The following KANSL3 variants were observed in gnomAD, a reference collection of about 807,000 sequenced individuals.
KANSL3 encodes the protein NSL complex protein NSL3.
Under a neutral mutation model 89.2 loss-of-function variants are expected in KANSL3, and 16 were observed. The observed-to-expected ratio is 0.18, with a 90% CI of 0.12 to 0.27. The LOEUF (loss-of-function observed/expected upper bound fraction) is 0.27, where lower values mean the gene tolerates loss of function less well. KANSL3 is among the 10% of genes least tolerant of loss of function. KANSL3 has a pLI of 1.00. For synonymous variants in KANSL3, 385 were observed against 419.7 expected (o/e 0.92, Z 1.01); for missense variants, 879 against 1,110.6 (o/e 0.79, Z 2.96).
At position 96,595,604 on chromosome 2, in the gene KANSL3, A is replaced by G. The variant is rs1027005292; in HGVS notation, c.*7T>C. The G allele has an allele frequency of 6.2e-7, 1 of 1,613,762 alleles. No homozygotes were observed. On this transcript the variant is annotated 3_prime_UTR_variant, in exon 21 of 21. Coordinates refer to ENST00000431828, the MANE Select transcript of KANSL3 (RefSeq NM_001115016.3). The stretch of plus-strand genomic sequence containing the variant: ...ACTTGGTAAGGAGGACATATCACAC[A>G]GCATCTTCAGGGTGCTGGAGGCAGG...
chr2:96,615,165 C>CAAAAAAAAAAAAAAAAAAAAAAAAAAA (rs35960339), intron 5 of KANSL3: 5 of 83,044 alleles, frequency 6.0e-5, no homozygotes, highest in African/African-American at 2.5e-4. Context: ...GAGACTGTCT[C>CAAAAAAAAAAAAAAAAAAAAAAAAAAA]AAAAAAAAAA....
At chr2:96,628,770 CAA>C (rs11287226) in intron 3 of KANSL3, 252 of 146,596 alleles carry the variant, frequency 1.7e-3, no homozygotes, top group African/African-American at 3.3e-3. Context: ...GATAAACTGA[CAA>C]AAAAAAAAAA....
chr2:96,609,483 C>G lies in KANSL3; in HGVS notation c.1383+16G>C. ...GGCAAGCCTAGCTGAGAAAAGCACA[C>G]AAAACAACTGTTTACCTGAATACAT... On this transcript the variant is annotated intron_variant, in intron 12 of 20. Coordinates refer to ENST00000431828, the MANE Select transcript of KANSL3 (RefSeq NM_001115016.3). 6.2e-7 allele frequency: 1 copy of G among 1,612,692 alleles called. No individual in the cohort carries two copies. Among genetic ancestry groups the G allele is most frequent in the Middle Eastern group, 1.7e-4 (1 of 6,058 alleles).
downstream of KANSL3, among the ~76,000 whole-genome samples, chr2:96,589,128 T>G (rs564775253): frequency 1.3e-5 from 2 of 152,222 alleles, no homozygotes; most frequent in East Asian, 1.9e-4. Flanking sequence ...CTAAAAAAAG[T>G]GTTCAAGTAA....
At chr2:96,590,528 A>G (rs535643400), downstream of KANSL3, among the ~76,000 whole-genome samples, 3 of 152,108 alleles carry the variant, frequency 2.0e-5, no homozygotes, top group African/African-American at 7.2e-5. Context: ...AGCTCAAGCA[A>G]TCCTACCATC....
At chr2:96,588,115 T>C in the KANSL3 span, among the ~76,000 whole-genome samples, 2 of 151,260 alleles carry the variant, frequency 1.3e-5, no homozygotes, top group East Asian at 3.9e-4. Flanking sequence ...TCCCCAAATA[T>C]GGTAAAAAGG....
In KANSL3 at chr2:96,595,464, T is replaced by C. The variant is rs1347327436; in HGVS notation, c.*147A>G. On this transcript the variant is annotated 3_prime_UTR_variant, in exon 21 of 21. Transcript: ENST00000431828. ...GTATCACCTAACCTAATGGTTTCTC[T>C]GAAGACAGTTGGCGGAGAGGCAAAA... The C allele has an allele frequency of 2.9e-6, 2 of 699,166 alleles. No homozygotes were observed. The highest frequency in any genetic ancestry group is 1.8e-5 in the African/African-American group (1 of 55,856). 43.3% of individuals were successfully genotyped at this position (699,166 alleles called of 1,614,324 possible). A position where few individuals can be genotyped will look rare whatever the true frequency, so the allele number is the denominator to read the frequency against.
chr2:96,602,940 TCAC>T, intron 17 of KANSL3, 78 bp from the exon 18 acceptor site: 1 of 1,349,414 alleles, frequency 7.4e-7, no homozygotes, highest in Non-Finnish European at 1.0e-6. Flanking sequence ...CCATCCACCC[TCAC>T]CACCAACTAA....
At chr2:96,611,278 C>G in intron 9 of KANSL3, 140 bp from the exon 10 acceptor site, 1 of 685,676 alleles carries the variant, frequency 1.5e-6, no homozygotes, top group Non-Finnish European at 2.6e-6. Flanking sequence ...GCATCTTCTG[C>G]CACAATGGCA....
chr2:96,615,672 A>G (rs932151467), intron 5 of KANSL3: 17 of 380,700 alleles, frequency 4.5e-5, no homozygotes, highest in African/African-American at 3.2e-4. Context: ...ATAGCAGAAG[A>G]TAAGTTGCTC....
At chr2:96,610,036 A>AGGAGACAT (rs2068650440) in intron 11 of KANSL3, among the ~76,000 whole-genome samples, 1 of 142,332 alleles carries the variant, frequency 7.0e-6, no homozygotes, top group Non-Finnish European at 1.5e-5. Context: ...AAGGAGACTG[A>AGGAGACAT]GGAGACATGG....
chr2:96,604,015 A>G, intron 17 of KANSL3: 1 of 423,838 alleles, frequency 2.4e-6, no homozygotes, highest in Non-Finnish European at 4.2e-6. Flanking sequence ...CAGCACCTGT[A>G]GACTGGAACA....
chr2:96,592,476 A>C (rs1410408399), downstream of KANSL3, among the ~76,000 whole-genome samples: 1 of 152,190 alleles, frequency 6.6e-6, no homozygotes, highest in Non-Finnish European at 1.5e-5. Flanking sequence ...GAGCCCCACC[A>C]TATCAACATC....
At chr2:96,633,150 A>G (rs556101773) in intron 2 of KANSL3, among the ~76,000 whole-genome samples, 86 of 151,638 alleles carry the variant, frequency 5.7e-4, no homozygotes, top group African/African-American at 2.0e-3. Context: ...TCCCAGCTAC[A>G]TGGGAGGCTG....
At chr2:96,606,976 G>C in intron 14 of KANSL3, 1 of 1,288,686 alleles carries the variant, frequency 7.8e-7, no homozygotes, top group Non-Finnish European at 1.0e-6. Context: ...TCACCAAAGA[G>C]ACAGGAGGAG....
the KANSL3 span, among the ~76,000 whole-genome samples, chr2:96,587,372 C>T: frequency 3.3e-5 from 5 of 152,190 alleles, no homozygotes; most frequent in Admixed American, 3.3e-4. Flanking sequence ...GTACTCCTGC[C>T]CTTCCAGCTA....
the KANSL3 span, among the ~76,000 whole-genome samples, chr2:96,586,459 T>C: frequency 3.3e-5 from 5 of 152,270 alleles, 1 homozygote; most frequent in Non-Finnish European, 2.9e-5. Flanking sequence ...TTATAATGTG[T>C]CTAGATGTGG....
At position 96,593,261 on chromosome 2, in the gene KANSL3, T is replaced by C; in HGVS notation, c.*2350A>G. ...CTATAACCCATCCAGCCCAAGACTG[T>C]TCTAGTGGTGAAACCAAGAGTAGAC... On this transcript the variant is annotated 3_prime_UTR_variant, in exon 21 of 21. Transcript: ENST00000431828. 2.2e-6 allele frequency: 1 copy of C among 456,090 alleles called. No individual in the cohort carries two copies. The highest frequency in any genetic ancestry group is 1.5e-5 in the South Asian group (1 of 64,564). The allele number at this position is 456,090 out of a possible 1,614,324, so 28.3% of individuals were successfully genotyped here.
intron 11 of KANSL3, chr2:96,610,363 T>C (rs2068707397): frequency 6.3e-6 from 1 of 158,880 alleles, no homozygotes. Flanking sequence ...TCACCCAGGC[T>C]GGAGTGCAGT....
Sources: allele counts gnomAD v4.1 joint callset (sites outside exome capture counted in the v4.1 genomes callset), GRCh38; gene constraint gnomAD v4.1.1; transcripts MANE v1.5; gene names NCBI Gene and HGNC (gene_info 2026-07-23, HGNC 2026-07-21).